Variants in CACNB2 observed in about 807,000 individuals in gnomAD.
The protein encoded by CACNB2 is voltage-dependent L-type calcium channel subunit beta-2.
CACNB2 carries 42 observed loss-of-function variants against 73.3 expected under a neutral mutation model. That is an observed-to-expected ratio of 0.57 (90% CI 0.45 to 0.74). The LOEUF is 0.74. CACNB2 is among the 30% of genes least tolerant of loss of function. CACNB2 has a pLI of 0.00. For missense variants in CACNB2, 940 were observed against 853.0 expected (o/e 1.10, Z -1.27); for synonymous variants, 348 against 310.3 (o/e 1.12, Z -1.28).
intron 1 of CACNB2, among the ~76,000 whole-genome samples, chr10:18,141,676 GTTTTTAC>G (rs2030425130): frequency 9.0e-6 from 1 of 111,436 alleles, no homozygotes; most frequent in East Asian, 2.1e-4. Flanking sequence ...TGGTTTTTAC[GTTTTTAC>G]GTAAGGCTTC....
At chr10:18,172,487 GT>G (rs563338411) in intron 2 of CACNB2, among the ~76,000 whole-genome samples, 3 of 152,192 alleles carry the variant, frequency 2.0e-5, no homozygotes, top group Admixed American at 1.3e-4. Context: ...TCCACGCATT[GT>G]TTTTTTGTAA....
intron 2 of CACNB2, among the ~76,000 whole-genome samples, chr10:18,283,821 A>G (rs1177855873): frequency 6.6e-6 from 1 of 152,174 alleles, no homozygotes; most frequent in Non-Finnish European, 1.5e-5. Flanking sequence ...AGTATAATAA[A>G]AAAATTAATA....
At chr10:18,211,843 A>C (rs1482503791) in intron 2 of CACNB2, among the ~76,000 whole-genome samples, 3 of 137,246 alleles carry the variant, frequency 2.2e-5, no homozygotes. Flanking sequence ...TTCTGCTGAC[A>C]GATATTTATT....
chr10:18,463,453 C>G (rs2047690201), intron 3 of CACNB2, among the ~76,000 whole-genome samples: 1 of 152,042 alleles, frequency 6.6e-6, no homozygotes, highest in Non-Finnish European at 1.5e-5. Context: ...GTCACCCAGG[C>G]TGGATTGCAA....
chr10:18,383,906 A>T (rs905950262), intron 2 of CACNB2, among the ~76,000 whole-genome samples: 1 of 151,916 alleles, frequency 6.6e-6, no homozygotes, highest in African/African-American at 2.4e-5. Flanking sequence ...GGATTTCACT[A>T]TGTTGGTCAA....
intron 2 of CACNB2, among the ~76,000 whole-genome samples, chr10:18,244,956 G>GA (rs1336092661): frequency 1.3e-5 from 2 of 152,200 alleles, no homozygotes; most frequent in Non-Finnish European, 2.9e-5. Flanking sequence ...AGGTCAGAAG[G>GA]AAATTGCAGT....
At chr10:18,511,751 A>C (rs2050800069) in intron 6 of CACNB2, among the ~76,000 whole-genome samples, 1 of 152,120 alleles carries the variant, frequency 6.6e-6, no homozygotes, top group Admixed American at 6.6e-5. Context: ...ACATGACCCC[A>C]TTGAGGATGT....
At chr10:18,491,819 T>TAAA (rs68179779) in intron 3 of CACNB2, among the ~76,000 whole-genome samples, 14,314 of 64,354 alleles carry the variant, frequency 0.22, 4,083 homozygotes, top group East Asian at 0.4. Context: ...TCAAGTTGGT[T>TAAA]AAAAAAAAAA....
At chr10:18,191,085 G>C (rs1003175342) in intron 2 of CACNB2, among the ~76,000 whole-genome samples, 1 of 152,194 alleles carries the variant, frequency 6.6e-6, no homozygotes, top group Non-Finnish European at 1.5e-5. Flanking sequence ...AACTGGGAGA[G>C]TGAAAATGGA....
intron 3 of CACNB2, among the ~76,000 whole-genome samples, chr10:18,427,316 C>A (rs1411492537): frequency 6.6e-6 from 1 of 152,120 alleles, no homozygotes; most frequent in East Asian, 1.9e-4. Context: ...GGATAAACAA[C>A]ATTTTCATGA....
intron 2 of CACNB2, among the ~76,000 whole-genome samples, chr10:18,347,048 A>G (rs1276084566): frequency 1.3e-5 from 2 of 152,242 alleles, no homozygotes; most frequent in Non-Finnish European, 2.9e-5. Context: ...CCTTTTAGAA[A>G]GTCTGTTTCA....
chr10:18,165,514 G>A lies in CACNB2; in HGVS notation c.213+14539G>A, dbSNP rs997316924. Among the ~76,000 whole-genome samples, 3 of 152,240 alleles carry A rather than the reference G, an allele frequency of 2.0e-5. No homozygotes were observed. The East Asian group carries it at 5.8e-4, about 29-fold the overall frequency. The stretch of plus-strand genomic sequence containing the variant: ...TGTGACCTCCGCCTCCCAGGTTCAG[G>A]CGACTGTTGAGCCTCAGCCTCCTGA... On this transcript the variant is annotated intron_variant, in intron 2 of 13. Coordinates refer to ENST00000324631, the MANE Select transcript of CACNB2 (RefSeq NM_201596.3).
At chr10:18,465,365 G>T (rs1266924269) in intron 3 of CACNB2, among the ~76,000 whole-genome samples, 1 of 152,080 alleles carries the variant, frequency 6.6e-6, no homozygotes, top group Non-Finnish European at 1.5e-5. Flanking sequence ...AGACTTCAGG[G>T]CTAAATATGT....
intron 2 of CACNB2, among the ~76,000 whole-genome samples, chr10:18,219,343 G>A (rs1184008859): frequency 6.6e-6 from 1 of 152,178 alleles, no homozygotes; most frequent in East Asian, 1.9e-4. Context: ...AGCTGGTGAT[G>A]AAAAATAGGA....
chr10:18,312,092 G>A (rs906221279), intron 2 of CACNB2, among the ~76,000 whole-genome samples: 2 of 152,002 alleles, frequency 1.3e-5, no homozygotes, highest in Non-Finnish European at 2.9e-5. Context: ...CCTGTAAGTT[G>A]TCTGACTAAC....
At chr10:18,492,533 A>G (rs946338013) in intron 3 of CACNB2, among the ~76,000 whole-genome samples, 1 of 149,872 alleles carries the variant, frequency 6.7e-6, no homozygotes, top group African/African-American at 2.5e-5. Flanking sequence ...AGGCAAGAGA[A>G]TCACTTGAAC....
At chr10:18,537,721 G>GAACCAAGA (rs1227946501) in intron 12 of CACNB2, among the ~76,000 whole-genome samples, 1 of 152,090 alleles carries the variant, frequency 6.6e-6, no homozygotes, top group Non-Finnish European at 1.5e-5. Context: ...AGGTTGCACT[G>GAACCAAGA]AACCAAGATC....
rs11013218 is a variant in CACNB2, at chr10:18,259,560, C to G, written c.213+108585C>G. ...TCTCTACTGAAAAAAAAACAAAAAACAAACAAAAAAAAAAAGTAAAAGTAG... is the reference window on the plus strand; with the variant it reads ...TCTCTACTGAAAAAAAAACAAAAAAGAAACAAAAAAAAAAAGTAAAAGTAG... On this transcript the variant is annotated intron_variant, in intron 2 of 13. Coordinates refer to ENST00000324631, the MANE Select transcript of CACNB2 (RefSeq NM_201596.3). Among the ~76,000 whole-genome samples, 60 of 77,656 alleles carry G rather than the reference C, an allele frequency of 7.7e-4. 4 individuals carry two copies. Among genetic ancestry groups the G allele is most frequent in the African/African-American group, 3.9e-3 (58 of 14,842 alleles). 50.9% of individuals were successfully genotyped at this position (77,656 alleles called of 152,430 possible).
At chr10:18,465,806 C>T (rs371894731) in intron 3 of CACNB2, among the ~76,000 whole-genome samples, 13 of 151,916 alleles carry the variant, frequency 8.6e-5, no homozygotes, top group Non-Finnish European at 1.5e-4. Flanking sequence ...CTCAGCCTCC[C>T]GAGTAGCTGG....
Sources: gnomAD v4.1 joint callset for allele counts (sites outside exome capture counted in the v4.1 genomes callset) on GRCh38, gnomAD v4.1.1 for gene constraint, MANE v1.5 for transcripts, NCBI Gene and HGNC (gene_info 2026-07-23, HGNC 2026-07-21) for gene names.